Variants in ADGRL2 observed in about 807,000 individuals in gnomAD.
The protein encoded by ADGRL2 is calcium-independent alpha-latrotoxin receptor 2.
ADGRL2 carries 44 observed loss-of-function variants against 157.4 expected under a neutral mutation model. That is an observed-to-expected ratio of 0.28 (90% CI 0.22 to 0.36). The LOEUF (loss-of-function observed/expected upper bound fraction) is 0.36, where lower values mean the gene tolerates loss of function less well. Among genes scored for constraint, ADGRL2 ranks in the 10% least tolerant of loss-of-function variants. The probability of loss-of-function intolerance (pLI) is 1.00; values close to 1 mark genes in which losing one functional copy is unlikely to be tolerated. For missense variants in ADGRL2, 1,510 were observed against 1,768.9 expected (o/e 0.85, Z 2.63); for synonymous variants, 585 against 624.7 (o/e 0.94, Z 0.95).
chr1:81,756,456 G>GATA (rs2149288469), intron 1 of ADGRL2, among the ~76,000 whole-genome samples: 1 of 152,206 alleles, frequency 6.6e-6, no homozygotes, highest in African/African-American at 2.4e-5. Context: ...TCCCAATGAG[G>GATA]GATATCATGG....
chr1:81,456,658 A>T lies in ADGRL2; in HGVS notation c.-248+11569A>T, dbSNP rs559390339. Among the ~76,000 whole-genome samples, 6 of 150,152 alleles carry T rather than the reference A, an allele frequency of 4.0e-5. No individual in the cohort carries two copies. The South Asian group carries it at 1.2e-3, about 31-fold the overall frequency. On this transcript the variant is annotated intron_variant, in intron 2 of 24. Transcript: ENST00000370721. ...AAATTTTCATTTATACTTTCATCAC[A>T]TCCTCCTTTCCTAAACAAGCTACAG...
intron 2 of ADGRL2, among the ~76,000 whole-genome samples, chr1:81,788,026 T>A (rs972196534): frequency 6.6e-6 from 1 of 152,204 alleles, no homozygotes; most frequent in Admixed American, 6.5e-5. Flanking sequence ...GTCCTCTTGA[T>A]CTATCTTCTA....
intron 3 of ADGRL2, among the ~76,000 whole-genome samples, chr1:81,935,028 A>C (rs1395797948): frequency 6.6e-6 from 1 of 152,012 alleles, no homozygotes; most frequent in Non-Finnish European, 1.5e-5. Context: ...ATGAAACATC[A>C]GAATTATATT....
chr1:81,472,415 C>CT (rs1172608241), intron 2 of ADGRL2, among the ~76,000 whole-genome samples: 1 of 152,176 alleles, frequency 6.6e-6, no homozygotes, highest in Admixed American at 6.5e-5. Context: ...GGCGGATTGC[C>CT]TGAGCTGAGG....
At chr1:81,738,841 G>A (rs2084983406) in intron 1 of ADGRL2, among the ~76,000 whole-genome samples, 2 of 152,138 alleles carry the variant, frequency 1.3e-5, no homozygotes, top group Admixed American at 1.3e-4. Flanking sequence ...CCCTTGGCCT[G>A]GTGACCTAAG....
At chr1:81,957,687 T>C (rs1320214674) in intron 11 of ADGRL2, among the ~76,000 whole-genome samples, 1 of 152,020 alleles carries the variant, frequency 6.6e-6, no homozygotes, top group Non-Finnish European at 1.5e-5. Context: ...CCACCCTGGA[T>C]GATAGAGTGA....
chr1:81,900,590 GT>G (rs2094468471), intron 2 of ADGRL2, among the ~76,000 whole-genome samples: 1 of 152,160 alleles, frequency 6.6e-6, no homozygotes, highest in Non-Finnish European at 1.5e-5. Flanking sequence ...TGTAGTTCCA[GT>G]TGGGATGACT....
intron 2 of ADGRL2, among the ~76,000 whole-genome samples, chr1:81,558,808 A>G (rs1452126986): frequency 6.6e-6 from 1 of 152,190 alleles, no homozygotes; most frequent in African/African-American, 2.4e-5. Context: ...TCTAAACCTG[A>G]AAGCAAGTAC....
chr1:81,465,176 G>T (rs188429601), intron 2 of ADGRL2, among the ~76,000 whole-genome samples: 1 of 151,958 alleles, frequency 6.6e-6, no homozygotes, highest in East Asian at 1.9e-4. Context: ...ATTTCCTATA[G>T]TTACAAATAT....
intron 2 of ADGRL2, among the ~76,000 whole-genome samples, chr1:81,447,762 C>T (rs191193599): frequency 8.5e-5 from 13 of 152,240 alleles, no homozygotes; most frequent in Admixed American, 5.2e-4. Flanking sequence ...TACATGTATG[C>T]GTATGCCTCT....
At chr1:81,685,234 C>T (rs771808302) in intron 3 of ADGRL2, among the ~76,000 whole-genome samples, 26 of 152,166 alleles carry the variant, frequency 1.7e-4, no homozygotes, top group Non-Finnish European at 3.2e-4. Context: ...GCAGTATGGT[C>T]ATTTTCACAA....
intron 3 of ADGRL2, among the ~76,000 whole-genome samples, chr1:81,612,770 T>C (rs1008316503): frequency 5.3e-5 from 8 of 152,018 alleles, no homozygotes; most frequent in African/African-American, 1.7e-4. Flanking sequence ...AAGACATTCC[T>C]CCAAAGAAGA....
At chr1:81,637,279 A>G (rs1177025039) in intron 3 of ADGRL2, among the ~76,000 whole-genome samples, 3 of 152,196 alleles carry the variant, frequency 2.0e-5, no homozygotes, top group African/African-American at 4.8e-5. Context: ...AGGTAAAGGA[A>G]TAGTTATTCC....
At chr1:81,756,004 T>C (rs902327924) in intron 1 of ADGRL2, among the ~76,000 whole-genome samples, 3 of 152,106 alleles carry the variant, frequency 2.0e-5, no homozygotes, top group Non-Finnish European at 4.4e-5. Context: ...CACATTCGAG[T>C]TTAAGAAACA....
chr1:81,618,340 A>G (rs1570652459), intron 3 of ADGRL2, among the ~76,000 whole-genome samples: 1 of 152,182 alleles, frequency 6.6e-6, no homozygotes, highest in Non-Finnish European at 1.5e-5. Context: ...CTCATGATAC[A>G]CTGTTCCCTA....
intron 1 of ADGRL2, among the ~76,000 whole-genome samples, chr1:81,724,318 AG>A (rs1557598153): frequency 6.6e-6 from 1 of 152,170 alleles, no homozygotes; most frequent in Non-Finnish European, 1.5e-5. Flanking sequence ...TATTGGAATT[AG>A]AGTTTATCTT....
chr1:81,752,932 T>C (rs1049944135), intron 1 of ADGRL2, among the ~76,000 whole-genome samples: 8 of 152,212 alleles, frequency 5.3e-5, no homozygotes, highest in Non-Finnish European at 1.2e-4. Flanking sequence ...ATTTTTATAT[T>C]ACTTACATTG....
chr1:81,361,911 C>A (rs140028535), intron 1 of ADGRL2, among the ~76,000 whole-genome samples: 3 of 151,774 alleles, frequency 2.0e-5, no homozygotes, highest in African/African-American at 7.3e-5. Context: ...ATTCAATAAC[C>A]CTCTGTTCCA....
At chr1:81,602,796 G>A (rs1461393872) in intron 3 of ADGRL2, among the ~76,000 whole-genome samples, 3 of 151,366 alleles carry the variant, frequency 2.0e-5, no homozygotes, top group African/African-American at 4.9e-5. Context: ...TACTCGGGGG[G>A]CTGAGGCTTG....
Sources: gnomAD v4.1 joint callset for allele counts (sites outside exome capture counted in the v4.1 genomes callset) on GRCh38, gnomAD v4.1.1 for gene constraint, MANE v1.5 for transcripts, NCBI Gene and HGNC (gene_info 2026-07-23, HGNC 2026-07-21) for gene names.